GDAP1: variants seen among roughly 807,000 people sequenced by gnomAD.
GDAP1 encodes the protein ganglioside-induced differentiation-associated protein 1.
GDAP1 carries 34 observed loss-of-function variants against 40.1 expected under a neutral mutation model. That is an observed-to-expected ratio of 0.85 (90% CI 0.64 to 1.13). The LOEUF is 1.13. Among genes scored for constraint, GDAP1 ranks in the 50% most tolerant of loss-of-function variants. GDAP1 has a pLI of 0.00. For synonymous variants in GDAP1, 170 were observed against 157.4 expected, an observed-to-expected ratio of 1.08 and a Z score of -0.60; for missense variants, 374 against 433.7, an observed-to-expected ratio of 0.86 and a Z score of 1.22.
chr8:74,388,902 C>T (rs549124195), intron 2 of GDAP1, among the ~76,000 whole-genome samples: 1 of 152,308 alleles, frequency 6.6e-6, no homozygotes, highest in East Asian at 1.9e-4. Flanking sequence ...TTTAGCTCTT[C>T]TTGTTGCATT....
downstream of GDAP1, among the ~76,000 whole-genome samples, chr8:74,368,348 A>G (rs1352849185): frequency 6.6e-6 from 1 of 152,240 alleles, no homozygotes; most frequent in Non-Finnish European, 1.5e-5. Context: ...ATTACTTGCA[A>G]ACATTGCCAA....
downstream of GDAP1, among the ~76,000 whole-genome samples, chr8:74,370,859 G>C (rs1392411016): frequency 6.6e-6 from 1 of 152,170 alleles, no homozygotes; most frequent in Non-Finnish European, 1.5e-5. Context: ...TGGAGTTTAA[G>C]ACAGAGTTTT....
intron 2 of GDAP1, among the ~76,000 whole-genome samples, chr8:74,485,899 AAC>A (rs1806770688): frequency 1.3e-5 from 2 of 152,286 alleles, no homozygotes; most frequent in South Asian, 4.1e-4. Context: ...GAAACATGGC[AAC>A]AGTGATGATT....
intron 2 of GDAP1, among the ~76,000 whole-genome samples, chr8:74,399,202 T>TCAAAGAATGTAAG (rs1563458044): frequency 2.7e-4 from 40 of 150,222 alleles, no homozygotes; most frequent in African/African-American, 1.0e-3. Flanking sequence ...GTTGGTAAGC[T>TCAAAGAATGTAAG]ATTGATTATT....
At chr8:74,374,017 T>C (rs1809804082) in intron 2 of GDAP1, among the ~76,000 whole-genome samples, 1 of 152,228 alleles carries the variant, frequency 6.6e-6, no homozygotes. Context: ...GAGATAACCA[T>C]GTGGTTTTTG....
chr8:74,398,308 C>T (rs1453467479), intron 2 of GDAP1, among the ~76,000 whole-genome samples: 1 of 151,978 alleles, frequency 6.6e-6, no homozygotes, highest in Non-Finnish European at 1.5e-5. Flanking sequence ...GTTTTGTTTT[C>T]GTTTGCTTGG....
chr8:74,418,948 G>A (rs1172500952), intron 2 of GDAP1, among the ~76,000 whole-genome samples: 1 of 152,124 alleles, frequency 6.6e-6, no homozygotes, highest in Admixed American at 6.6e-5. Context: ...ATCATTAATT[G>A]TTAAAGAAAT....
intron 2 of GDAP1, among the ~76,000 whole-genome samples, chr8:74,464,052 CAA>C (rs1429695355): frequency 6.6e-6 from 1 of 152,050 alleles, no homozygotes. Flanking sequence ...AATACCATCC[CAA>C]GAGAGAATAA....
At chr8:74,384,368 A>G (rs963624511) in intron 2 of GDAP1, among the ~76,000 whole-genome samples, 3 of 152,046 alleles carry the variant, frequency 2.0e-5, no homozygotes, top group Non-Finnish European at 2.9e-5. Flanking sequence ...CAATTTTTAT[A>G]TTTTTCCAAA....
At chr8:74,405,142 A>T (rs1368040417) in intron 2 of GDAP1, among the ~76,000 whole-genome samples, 1 of 150,082 alleles carries the variant, frequency 6.7e-6, no homozygotes, top group African/African-American at 2.5e-5. Flanking sequence ...AAGGAAGAGC[A>T]AAAGGACGTC....
intron 2 of GDAP1, among the ~76,000 whole-genome samples, chr8:74,467,965 A>G (rs898955742): frequency 3.9e-5 from 6 of 151,948 alleles, no homozygotes; most frequent in Admixed American, 3.9e-4. Flanking sequence ...TGAGATATTG[A>G]TATAACCTGA....
intron 2 of GDAP1, among the ~76,000 whole-genome samples, chr8:74,390,446 A>C (rs1810090289): frequency 6.6e-6 from 1 of 152,150 alleles, no homozygotes; most frequent in African/African-American, 2.4e-5. Context: ...TGTCTGCTGC[A>C]GGTCTGCTGG....
intron 2 of GDAP1, among the ~76,000 whole-genome samples, chr8:74,473,994 C>T (rs1342740692): frequency 6.6e-6 from 1 of 151,962 alleles, no homozygotes. Context: ...GTTTGTAGTT[C>T]TCATTGTAGA....
intron 2 of GDAP1, among the ~76,000 whole-genome samples, chr8:74,461,617 A>T (rs1362539227): frequency 1.3e-5 from 2 of 152,218 alleles, no homozygotes; most frequent in South Asian, 4.1e-4. Context: ...CATCATCCAG[A>T]CTAAATGTTA....
At chr8:74,432,211 T>C (rs1191032936) in intron 2 of GDAP1, among the ~76,000 whole-genome samples, 1 of 152,134 alleles carries the variant, frequency 6.6e-6, no homozygotes, top group Non-Finnish European at 1.5e-5. Flanking sequence ...TGGTGGGCAT[T>C]TCTGTTGCAA....
chr8:74,375,241 C>T (rs1423428233), intron 2 of GDAP1, among the ~76,000 whole-genome samples: 1 of 151,990 alleles, frequency 6.6e-6, no homozygotes, highest in African/African-American at 2.4e-5. Flanking sequence ...GCAAGAGAAT[C>T]TCTTGAACCT....
At chr8:74,389,061 G>A (rs113827949) in intron 2 of GDAP1, among the ~76,000 whole-genome samples, 3 of 151,988 alleles carry the variant, frequency 2.0e-5, no homozygotes, top group Admixed American at 6.6e-5. Context: ...TCTATTTTGA[G>A]CCTATTTGTG....
At chr8:74,416,219 C>T (rs76631404) in intron 2 of GDAP1, among the ~76,000 whole-genome samples, 9,090 of 149,868 alleles carry the variant, frequency 0.061, 600 homozygotes, top group East Asian at 0.11. Context: ...CCCGACCCAG[C>T]CCCAACCTGG....
At chr8:74,409,324 T>G (rs1027341715) in intron 2 of GDAP1, among the ~76,000 whole-genome samples, 9 of 149,818 alleles carry the variant, frequency 6.0e-5, no homozygotes, top group African/African-American at 1.8e-4. Context: ...TCTTGAAACT[T>G]GAGAAAGTTA....
Sources: allele counts gnomAD v4.1 joint callset (sites outside exome capture counted in the v4.1 genomes callset), GRCh38; gene constraint gnomAD v4.1.1; transcripts MANE v1.5; gene names NCBI Gene and HGNC (gene_info 2026-07-23, HGNC 2026-07-21).